GALNT11: variants seen among roughly 807,000 people sequenced by gnomAD.
GALNT11 encodes the protein polypeptide N-acetylgalactosaminyltransferase 11.
GALNT11 carries 47 observed loss-of-function variants against 72.7 expected under a neutral mutation model. That is an observed-to-expected ratio of 0.65 (90% confidence interval 0.51 to 0.82). The LOEUF is 0.82. Ranked by LOEUF, GALNT11 falls within the 40% of genes least tolerant of loss-of-function variation. The pLI is 0.00. For synonymous variants in GALNT11, 270 were observed against 286.6 expected (o/e 0.94, Z 0.58); for missense variants, 677 against 778.4 (o/e 0.87, Z 1.55).
intron 1 of GALNT11, among the ~76,000 whole-genome samples, chr7:152,085,439 C>G (rs555555511): frequency 1.3e-5 from 2 of 152,122 alleles, no homozygotes; most frequent in East Asian, 3.9e-4. Context: ...GTTGTTTTGC[C>G]TTAAGTAACC....
chr7:152,078,976 A>G (rs574119541), intron 1 of GALNT11, among the ~76,000 whole-genome samples: 5 of 151,342 alleles, frequency 3.3e-5, no homozygotes, highest in Admixed American at 6.5e-5. Flanking sequence ...GTTTATAGGT[A>G]GCTCCTACTC....
intron 1 of GALNT11, among the ~76,000 whole-genome samples, chr7:152,036,507 G>T (rs1012428319): frequency 2.0e-5 from 3 of 152,116 alleles, no homozygotes; most frequent in African/African-American, 4.8e-5. Flanking sequence ...GGACATTTAG[G>T]TTGCTTCCAT....
rs761619007 is a variant in GALNT11, at chr7:152,120,831, A to G, written c.1558A>G (p.Ile520Val). ...KACDYSDPNQIWIYNEEHELV... is the reference protein window; with the variant it reads ...KACDYSDPNQVWIYNEEHELV... ...ATTTTATTTTATTTTTCTTCTCTAG[A>G]TCTGGATCTATAATGAAGAGCATGA... The change falls in exon 11 of 12, where the codon ATC (isoleucine) becomes GTC (valine). Residue 520 changes from isoleucine (I) to valine (V), a missense_variant and splice_region_variant. Physicochemically the swap from Ile to Val is conservative, Grantham distance 29. Transcript: ENST00000430044. The G allele has an allele frequency of 3.1e-6, 5 of 1,599,252 alleles. No individual in the cohort carries two copies. The African/African-American group carries it at 5.4e-5, about 17-fold the overall frequency.
chr7:152,105,392 G>A, intron 5 of GALNT11, 22 bp downstream of exon 5: 1 of 1,606,710 alleles, frequency 6.2e-7, no homozygotes. Context: ...CGTTAGCTTT[G>A]CTCTACAGGT....
intron 2 of GALNT11, 113 bp from the exon 3 acceptor site, chr7:152,100,685 A>C: frequency 7.6e-7 from 1 of 1,308,088 alleles, no homozygotes; most frequent in Non-Finnish European, 1.0e-6. Flanking sequence ...TTGAGAAAAG[A>C]GATATTAGAT....
At chr7:152,027,929 C>A (rs1379609789) in intron 1 of GALNT11, among the ~76,000 whole-genome samples, 1 of 117,178 alleles carries the variant, frequency 8.5e-6, no homozygotes, top group Non-Finnish European at 1.5e-5. Flanking sequence ...TCACTGACTT[C>A]AGGAGTCAAC....
At chr7:152,044,071 C>T (rs968532182) in intron 1 of GALNT11, among the ~76,000 whole-genome samples, 1 of 152,156 alleles carries the variant, frequency 6.6e-6, no homozygotes, top group Non-Finnish European at 1.5e-5. Flanking sequence ...GTCGTGGAGA[C>T]CCTAACCCAG....
At chr7:152,033,861 G>A (rs1428193293) in intron 1 of GALNT11, among the ~76,000 whole-genome samples, 1 of 152,150 alleles carries the variant, frequency 6.6e-6, no homozygotes, top group Non-Finnish European at 1.5e-5. Context: ...TAAGGTACCA[G>A]GTATCTCCAA....
intron 1 of GALNT11, among the ~76,000 whole-genome samples, chr7:152,031,962 G>A (rs1185200019): frequency 6.6e-6 from 1 of 152,216 alleles, no homozygotes; most frequent in Non-Finnish European, 1.5e-5. Context: ...GGATAAGCCA[G>A]TATAGGCTGT....
At chr7:152,045,063 T>C (rs1020425811) in intron 1 of GALNT11, among the ~76,000 whole-genome samples, 10 of 152,226 alleles carry the variant, frequency 6.6e-5, no homozygotes, top group African/African-American at 2.4e-4. Flanking sequence ...TATCCTTCAT[T>C]CTGTTGATTT....
At chr7:152,035,826 G>A (rs1045879793) in intron 1 of GALNT11, among the ~76,000 whole-genome samples, 1 of 152,220 alleles carries the variant, frequency 6.6e-6, no homozygotes, top group African/African-American at 2.4e-5. Context: ...TCACTGCTTG[G>A]CAATAGCGTC....
chr7:152,076,572 T>A (rs2084994511), intron 1 of GALNT11, among the ~76,000 whole-genome samples: 1 of 152,216 alleles, frequency 6.6e-6, no homozygotes, highest in Non-Finnish European at 1.5e-5. Context: ...GGAGGGAGGC[T>A]GGATTTAAGG....
chr7:152,091,060 T>TG (rs2085994835), intron 1 of GALNT11, among the ~76,000 whole-genome samples: 2 of 151,888 alleles, frequency 1.3e-5, no homozygotes, highest in Non-Finnish European at 2.9e-5. Context: ...TTGTTGTTGT[T>TG]TTTTTCATGT....
At chr7:152,039,250 A>G (rs1320731127) in intron 1 of GALNT11, among the ~76,000 whole-genome samples, 2 of 152,206 alleles carry the variant, frequency 1.3e-5, no homozygotes, top group African/African-American at 4.8e-5. Context: ...CAATTTTCCT[A>G]AACAAGTATG....
chr7:152,105,236 T>C lies in GALNT11; in HGVS notation c.587-9T>C, dbSNP rs1335862174. 4 of 1,611,934 alleles carry C rather than the reference T, an allele frequency of 2.5e-6. No individual in the cohort carries two copies. The highest frequency in any genetic ancestry group is 3.4e-6 in the Non-Finnish European group (4 of 1,179,244). On this transcript the variant is annotated splice_polypyrimidine_tract_variant and intron_variant, in intron 4 of 11. Coordinates refer to ENST00000430044, the MANE Select transcript of GALNT11 (RefSeq NM_022087.4). The stretch of plus-strand genomic sequence containing the variant: ...TACAGTTTGAATAATTGTGGGACTT[T>C]ATTTTCAGATGATTTGAAAGGAGAA...
chr7:152,052,170 G>A (rs1427531955), intron 1 of GALNT11, among the ~76,000 whole-genome samples: 2 of 152,112 alleles, frequency 1.3e-5, no homozygotes, highest in Admixed American at 1.3e-4. Flanking sequence ...CATCCATGCT[G>A]TAACATGCAT....
intron 1 of GALNT11, among the ~76,000 whole-genome samples, chr7:152,064,326 C>T (rs2084187316): frequency 1.3e-5 from 2 of 152,144 alleles, no homozygotes; most frequent in African/African-American, 2.4e-5. Flanking sequence ...TCCTCCATCC[C>T]TTTATTTTGA....
chr7:152,049,077 AT>A (rs1406728988), intron 1 of GALNT11, among the ~76,000 whole-genome samples: 3 of 151,816 alleles, frequency 2.0e-5, no homozygotes, highest in African/African-American at 4.8e-5. Flanking sequence ...ATCTTGAATT[AT>A]TTTTTTGAAA....
chr7:152,093,331 C>T (rs1238355205), intron 1 of GALNT11, among the ~76,000 whole-genome samples: 4 of 151,878 alleles, frequency 2.6e-5, no homozygotes, highest in Admixed American at 2.6e-4. Flanking sequence ...ATTACTTGAA[C>T]TCTTTATTTG....
Sources: allele counts gnomAD v4.1 joint callset (sites outside exome capture counted in the v4.1 genomes callset), GRCh38; gene constraint gnomAD v4.1.1; transcripts MANE v1.5; gene names NCBI Gene and HGNC (gene_info 2026-07-23, HGNC 2026-07-21).